The following CDC42BPA variants were observed in gnomAD, a reference collection of about 807,000 sequenced individuals.
The protein encoded by CDC42BPA is serine/threonine-protein kinase MRCK alpha.
CDC42BPA carries 80 observed loss-of-function variants against 223.5 expected under a neutral mutation model. That is an observed-to-expected ratio of 0.36 (90% confidence interval 0.30 to 0.43). The LOEUF (loss-of-function observed/expected upper bound fraction) is 0.43. CDC42BPA is among the 20% of genes least tolerant of loss of function. The pLI is 1.00. For synonymous variants in CDC42BPA, 694 were observed against 718.6 expected (o/e 0.97, Z 0.55); for missense variants, 1,743 against 2,099.9 (o/e 0.83, Z 3.32).
At chr1:227,071,593 A>AACTGGAC (rs1365668876) in intron 20 of CDC42BPA, among the ~76,000 whole-genome samples, 2 of 151,774 alleles carry the variant, frequency 1.3e-5, no homozygotes, top group Non-Finnish European at 3.0e-5. Flanking sequence ...TTAAGTGTCA[A>AACTGGAC]ACTGGAAGAA....
At chr1:227,256,064 T>A (rs1245000017) in intron 1 of CDC42BPA, among the ~76,000 whole-genome samples, 1 of 151,906 alleles carries the variant, frequency 6.6e-6, no homozygotes, top group Non-Finnish European at 1.5e-5. Flanking sequence ...CTCCTACAAG[T>A]CAACAACAAA....
chr1:227,162,984 ATGTTTCCAAACATGTG>A (rs1415008272), intron 5 of CDC42BPA, among the ~76,000 whole-genome samples: 12 of 141,176 alleles, frequency 8.5e-5, no homozygotes, highest in Non-Finnish European at 1.7e-4. Context: ...GTTTCCAAAC[ATGTTTCCAAACATGTG>A]TATGTTTCCA....
chr1:227,223,232 G>A (rs1676257974), intron 2 of CDC42BPA, among the ~76,000 whole-genome samples: 1 of 152,158 alleles, frequency 6.6e-6, no homozygotes. Flanking sequence ...TTGGGAAGTA[G>A]GGACAGCATA....
intron 5 of CDC42BPA, among the ~76,000 whole-genome samples, chr1:227,170,454 C>CA (rs34397130): frequency 0.089 from 9,028 of 101,618 alleles, 274 homozygotes; most frequent in South Asian, 0.11. Flanking sequence ...GACTCATGAG[C>CA]AAAAAAAAAA....
At chr1:227,049,566 T>C (rs1231974766) in intron 22 of CDC42BPA, among the ~76,000 whole-genome samples, 1 of 151,950 alleles carries the variant, frequency 6.6e-6, no homozygotes, top group East Asian at 1.9e-4. Context: ...ACCTTAAAAG[T>C]AATATGAAAA....
At chr1:227,258,272 T>A (rs1486003121) in intron 1 of CDC42BPA, among the ~76,000 whole-genome samples, 1 of 150,274 alleles carries the variant, frequency 6.7e-6, no homozygotes, top group Non-Finnish European at 1.5e-5. Flanking sequence ...AGTTTTGATT[T>A]CTACTATATC....
At chr1:227,069,651 G>GT in intron 21 of CDC42BPA, 126 bp downstream of exon 21, 2 of 605,056 alleles carry the variant, frequency 3.3e-6, no homozygotes, top group Non-Finnish European at 5.9e-6. Flanking sequence ...ATATGTTTTT[G>GT]TTTATTTAAG....
chr1:227,186,159 G>C (rs1024865062), intron 5 of CDC42BPA, among the ~76,000 whole-genome samples: 6 of 152,168 alleles, frequency 3.9e-5, no homozygotes, highest in African/African-American at 7.2e-5. Flanking sequence ...AAGCCTGAAA[G>C]ATTAAAAACT....
intron 3 of CDC42BPA, among the ~76,000 whole-genome samples, chr1:227,209,526 G>A (rs1392342565): frequency 5.1e-5 from 7 of 138,088 alleles, no homozygotes; most frequent in East Asian, 4.4e-4. Flanking sequence ...TTTGAAATAC[G>A]TCCCATCAAT....
At chr1:227,066,161 C>A (rs1231612375) in intron 21 of CDC42BPA, among the ~76,000 whole-genome samples, 1 of 152,042 alleles carries the variant, frequency 6.6e-6, no homozygotes, top group Non-Finnish European at 1.5e-5. Context: ...GAGGTTGAGA[C>A]GGGCGGATCA....
At chr1:227,069,885 A>C (rs749933900) in intron 20 of CDC42BPA, 32 bp from the exon 21 acceptor site, 29 of 1,466,586 alleles carry the variant, frequency 2.0e-5, no homozygotes, top group Non-Finnish European at 2.4e-5. Context: ...TTTTAAGGCT[A>C]CAACAATTAA....
intron 14 of CDC42BPA, among the ~76,000 whole-genome samples, chr1:227,109,037 T>C (rs959407741): frequency 1.3e-5 from 2 of 152,072 alleles, no homozygotes; most frequent in African/African-American, 4.8e-5. Context: ...AAAAGGTATG[T>C]CGCATATAAA....
At chr1:227,116,133 T>C (rs1438176303) in intron 12 of CDC42BPA, among the ~76,000 whole-genome samples, 3 of 152,186 alleles carry the variant, frequency 2.0e-5, no homozygotes, top group African/African-American at 7.2e-5. Context: ...AATAATTTAA[T>C]ATATGTAAAG....
chr1:227,209,305 G>C (rs1202793392), intron 3 of CDC42BPA, among the ~76,000 whole-genome samples: 1 of 149,578 alleles, frequency 6.7e-6, no homozygotes, highest in Non-Finnish European at 1.5e-5. Flanking sequence ...TCTGCAAACA[G>C]GGACAATTTG....
intron 24 of CDC42BPA, among the ~76,000 whole-genome samples, chr1:227,039,724 C>A (rs35817866): frequency 6.6e-6 from 1 of 151,676 alleles, no homozygotes; most frequent in African/African-American, 2.4e-5. Context: ...AAAAAAAAAA[C>A]CTCTGCTATT....
chr1:227,091,719 A>G (rs1683111086), intron 16 of CDC42BPA, among the ~76,000 whole-genome samples, 167 bp downstream of exon 16: 1 of 152,230 alleles, frequency 6.6e-6, no homozygotes, highest in Admixed American at 6.5e-5. Flanking sequence ...GAAGACTCCT[A>G]TCAGATTATT....
chr1:227,310,217 T>A (rs1693270380), intron 1 of CDC42BPA, among the ~76,000 whole-genome samples: 1 of 152,248 alleles, frequency 6.6e-6, no homozygotes, highest in South Asian at 2.1e-4. Flanking sequence ...AATTCTAGGA[T>A]AATCTGCTGT....
chr1:227,022,346 T>C (rs908389987), intron 32 of CDC42BPA, among the ~76,000 whole-genome samples: 1 of 151,826 alleles, frequency 6.6e-6, no homozygotes, highest in African/African-American at 2.4e-5. Context: ...GGTGCAAGGA[T>C]CACTTGAACC....
At chr1:226,999,483 G>A (rs569980368) in intron 35 of CDC42BPA, among the ~76,000 whole-genome samples, 71 of 152,208 alleles carry the variant, frequency 4.7e-4, no homozygotes, top group African/African-American at 1.7e-3. Flanking sequence ...GCCTAGGAAT[G>A]CTTTTACACT....
Sources: gnomAD v4.1 joint callset for allele counts (sites outside exome capture counted in the v4.1 genomes callset) on GRCh38, gnomAD v4.1.1 for gene constraint, MANE v1.5 for transcripts, NCBI Gene and HGNC (gene_info 2026-07-23, HGNC 2026-07-21) for gene names.